ANK2: variants seen among roughly 807,000 people sequenced by gnomAD.
The protein encoded by ANK2 is ankyrin-2.
Under a neutral mutation model 360.5 loss-of-function variants are expected in ANK2, and 83 were observed. That is an observed-to-expected ratio of 0.23 (90% CI 0.19 to 0.28). ANK2 has a LOEUF of 0.28. Ranked by LOEUF, ANK2 falls within the 10% of genes least tolerant of loss-of-function variation. The pLI is 1.00. For synonymous variants in ANK2, 1,740 were observed against 1,759.5 expected (o/e 0.99, Z 0.28); for missense variants, 4,201 against 4,795.7 (o/e 0.88, Z 3.66).
intron 2 of ANK2, among the ~76,000 whole-genome samples, chr4:112,932,205 A>T (rs1039268758): frequency 6.6e-6 from 1 of 152,112 alleles, no homozygotes; most frequent in Non-Finnish European, 1.5e-5. Context: ...AAATCCAAAA[A>T]AATTAGCCAG....
intron 24 of ANK2, chr4:113,313,768 G>A (rs2081285100): frequency 6.9e-6 from 1 of 145,886 alleles, no homozygotes; most frequent in African/African-American, 2.7e-5. Context: ...TGCTAAACCT[G>A]CGTGTGTGTG....
chr4:113,186,986 C>T (rs1442830652), intron 2 of ANK2, among the ~76,000 whole-genome samples: 5 of 151,732 alleles, frequency 3.3e-5, no homozygotes, highest in Non-Finnish European at 7.4e-5. Context: ...TAAAAGAGAC[C>T]AAGATGCAGA....
chr4:113,206,233 G>C (rs1252720833), intron 4 of ANK2, among the ~76,000 whole-genome samples: 1 of 152,060 alleles, frequency 6.6e-6, no homozygotes, highest in Non-Finnish European at 1.5e-5. Flanking sequence ...TAGTTTTCCT[G>C]ATGCTCTCTC....
chr4:113,097,861 T>G (rs2091781970), intron 1 of ANK2, among the ~76,000 whole-genome samples: 1 of 112,160 alleles, frequency 8.9e-6, no homozygotes, highest in Non-Finnish European at 1.8e-5. Context: ...TGTGTGTGTG[T>G]GTGTGTATAT....
intron 1 of ANK2, among the ~76,000 whole-genome samples, chr4:112,850,465 A>G (rs1190948714): frequency 6.5e-5 from 2 of 30,548 alleles, no homozygotes; most frequent in Non-Finnish European, 1.3e-4. Flanking sequence ...TTTTTTTTTC[A>G]TAGTGCCTCC....
chr4:113,172,261 A>G (rs1318168807), intron 1 of ANK2, among the ~76,000 whole-genome samples: 2 of 152,192 alleles, frequency 1.3e-5, no homozygotes, highest in African/African-American at 4.8e-5. Context: ...TTTACAGAGT[A>G]AATATGTAGA....
chr4:113,147,288 C>T (rs1274123131), intron 1 of ANK2, among the ~76,000 whole-genome samples: 2 of 152,198 alleles, frequency 1.3e-5, no homozygotes, highest in Admixed American at 1.3e-4. Context: ...ATTATGGTTT[C>T]CACTACCCAC....
At position 113,057,155 on chromosome 4, in the gene ANK2, T is replaced by C. The variant is rs550225575; in HGVS notation, c.84+7343T>C. Among the ~76,000 whole-genome samples the C allele has an allele frequency of 9.2e-4, 140 of 152,310 alleles. 2 individuals are homozygous for C. Among genetic ancestry groups the C allele is most frequent in the African/African-American group, 3.2e-3 (133 of 41,586 alleles). Reference sequence around the variant, plus strand: ...ATGGAATTCATAATCTGAGCAGACATTTCTATCTAAGAAAAAAGTAATGAG... The same window carrying C: ...ATGGAATTCATAATCTGAGCAGACACTTCTATCTAAGAAAAAAGTAATGAG... On this transcript the variant is annotated intron_variant, in intron 1 of 45. Transcript: ENST00000357077.
At position 112,885,752 on chromosome 4, in the gene ANK2, G is replaced by A. The variant is rs531609434; in HGVS notation, c.-39-18703G>A. Among the ~76,000 whole-genome samples the A allele has an allele frequency of 3.7e-4, 44 of 118,320 alleles. 1 individual carries two copies. The highest frequency in any genetic ancestry group is 6.8e-4 in the African/African-American group (20 of 29,354). 77.6% of individuals were successfully genotyped at this position (118,320 alleles called of 152,430 possible). Reference sequence around the variant, plus strand: ...ACAGAGCTTGCAGTGAGCCCAGATCGCACCACTGCACTCCAGCCTGGGGGA... The same window carrying A: ...ACAGAGCTTGCAGTGAGCCCAGATCACACCACTGCACTCCAGCCTGGGGGA... On this transcript the variant is annotated intron_variant, in intron 1 of 30. Coordinates refer to the ANK2 transcript ENST00000503271.
At chr4:112,958,416 A>T (rs2032365577) in intron 2 of ANK2, among the ~76,000 whole-genome samples, 1 of 152,076 alleles carries the variant, frequency 6.6e-6, no homozygotes, top group African/African-American at 2.4e-5. Flanking sequence ...ACACAGCGAA[A>T]CCCCATCTCC....
In ANK2 at chr4:112,992,481, C is replaced by T. The variant is rs550907082; in HGVS notation, c.21+87967C>T. On this transcript the variant is annotated intron_variant, in intron 2 of 30. Coordinates refer to the ANK2 transcript ENST00000503271. ...TTTAGGTATTTCTTGGTACCAAAGT[C>T]TGTATTAGTCAGCTTAGGCTGCCAT... Among the ~76,000 whole-genome samples the T allele has an allele frequency of 2.6e-5, 4 of 152,242 alleles. No individual in the cohort carries two copies. In the South Asian group the frequency reaches 8.3e-4, roughly 32 times the overall value.
At chr4:113,337,911 A>G (rs1379705444) in intron 31 of ANK2, among the ~76,000 whole-genome samples, 2 of 152,188 alleles carry the variant, frequency 1.3e-5, no homozygotes, top group Non-Finnish European at 2.9e-5. Flanking sequence ...AGGCAGAAGA[A>G]TATCTGTGAT....
At chr4:113,067,113 TAAA>T (rs1285451793) in intron 1 of ANK2, among the ~76,000 whole-genome samples, 1 of 129,876 alleles carries the variant, frequency 7.7e-6, no homozygotes, top group Non-Finnish European at 1.6e-5. Context: ...TTGAAAGGCT[TAAA>T]AAAGTGGGAA....
At chr4:113,272,814 A>G (rs1189135820) in intron 14 of ANK2, among the ~76,000 whole-genome samples, 1 of 152,114 alleles carries the variant, frequency 6.6e-6, no homozygotes, top group Non-Finnish European at 1.5e-5. Context: ...CACTTGCAAT[A>G]CCCACCCACC....
At chr4:113,106,640 TTG>T (rs1317197756) in intron 1 of ANK2, among the ~76,000 whole-genome samples, 1 of 152,220 alleles carries the variant, frequency 6.6e-6, no homozygotes, top group Non-Finnish European at 1.5e-5. Context: ...TTGTCTTCAA[TTG>T]TAACTGTAGT....
At chr4:113,186,755 T>C (rs2098537256) in intron 2 of ANK2, among the ~76,000 whole-genome samples, 1 of 152,166 alleles carries the variant, frequency 6.6e-6, no homozygotes, top group Non-Finnish European at 1.5e-5. Flanking sequence ...CTTCTTCAAA[T>C]TGGGAATTCT....
At chr4:113,292,916 C>T in intron 21 of ANK2, 1 of 356,940 alleles carries the variant, frequency 2.8e-6, no homozygotes, top group South Asian at 2.3e-5. Flanking sequence ...CTAAGCGGTG[C>T]AATTAAACGA....
chr4:112,938,929 A>G (rs1250736393), intron 2 of ANK2, among the ~76,000 whole-genome samples: 1 of 152,260 alleles, frequency 6.6e-6, no homozygotes, highest in African/African-American at 2.4e-5. Context: ...GCCACATAGC[A>G]GGAACTCAGT....
At chr4:113,284,868 A>C (rs2063772312) in intron 18 of ANK2, among the ~76,000 whole-genome samples, 1 of 152,226 alleles carries the variant, frequency 6.6e-6, no homozygotes, top group East Asian at 1.9e-4. Flanking sequence ...GATAAGCAGC[A>C]AAACTGATAA....
Sources: allele counts gnomAD v4.1 joint callset (sites outside exome capture counted in the v4.1 genomes callset), GRCh38; gene constraint gnomAD v4.1.1; transcripts MANE v1.5; gene names NCBI Gene and HGNC (gene_info 2026-07-23, HGNC 2026-07-21).